Variants in FAM227B observed in about 807,000 individuals in gnomAD.
FAM227B encodes protein FAM227B.
In FAM227B, 88 loss-of-function variants were observed where a neutral mutation model predicts 73.8. The observed-to-expected ratio is 1.19, with a 90% CI of 1.00 to 1.42. The LOEUF (loss-of-function observed/expected upper bound fraction) is 1.42. FAM227B is among the 40% of genes most tolerant of loss of function. The pLI is 0.00. For missense variants in FAM227B, 632 were observed against 590.9 expected, an observed-to-expected ratio of 1.07 and a Z score of -0.72; for synonymous variants, 210 against 190.5, an observed-to-expected ratio of 1.10 and a Z score of -0.84.
chr15:49,344,129 T>A (rs910046593), intron 13 of FAM227B: 9 of 152,208 alleles, frequency 5.9e-5, no homozygotes, highest in African/African-American at 2.2e-4. Context: ...AAATCTCATA[T>A]TGATGAATGT....
At chr15:49,492,027 C>T (rs531811633) in intron 11 of FAM227B, among the ~76,000 whole-genome samples, 2 of 151,794 alleles carry the variant, frequency 1.3e-5, no homozygotes, top group African/African-American at 4.8e-5. Context: ...CCAGTCTTGT[C>T]ATCATGCCTA....
At chr15:49,521,033 C>T (rs1198120241) in intron 10 of FAM227B, among the ~76,000 whole-genome samples, 1 of 152,186 alleles carries the variant, frequency 6.6e-6, no homozygotes, top group Admixed American at 6.5e-5. Flanking sequence ...GATATGGGAA[C>T]TTCCTGGGGG....
intron 11 of FAM227B, among the ~76,000 whole-genome samples, chr15:49,469,887 T>C (rs906872552): frequency 2.0e-5 from 3 of 152,006 alleles, no homozygotes; most frequent in Non-Finnish European, 4.4e-5. Flanking sequence ...AAATGAGAAA[T>C]GGTGATAAAG....
At chr15:49,489,476 G>T in intron 11 of FAM227B, 1 of 490,084 alleles carries the variant, frequency 2.0e-6, no homozygotes, top group Non-Finnish European at 2.6e-6. Context: ...TCCCAATGTA[G>T]CTGCAAAACT....
At chr15:49,610,432 A>AC (rs1181707516) in intron 3 of FAM227B, among the ~76,000 whole-genome samples, 10 of 151,458 alleles carry the variant, frequency 6.6e-5, no homozygotes, top group Admixed American at 4.6e-4. Context: ...AAAAAAAAAA[A>AC]AAAAAAAAAC....
intron 5 of FAM227B, among the ~76,000 whole-genome samples, chr15:49,580,150 A>C (rs7161744): frequency 0.37 from 56,787 of 152,112 alleles, 12,323 homozygotes; most frequent in East Asian, 0.54. Flanking sequence ...CAAAAAGAAT[A>C]ACTATTAAAA....
intron 11 of FAM227B, among the ~76,000 whole-genome samples, chr15:49,462,607 T>C (rs2053905469): frequency 6.6e-6 from 1 of 152,160 alleles, no homozygotes; most frequent in Non-Finnish European, 1.5e-5. Flanking sequence ...AGTAGGGAGG[T>C]AAGGGTAGGC....
intron 13 of FAM227B, among the ~76,000 whole-genome samples, chr15:49,355,295 C>CTACG (rs1567136616): frequency 1.3e-5 from 2 of 152,088 alleles, no homozygotes; most frequent in African/African-American, 4.8e-5. Context: ...TTACTCTGAG[C>CTACG]TACGGGAGGA....
intron 13 of FAM227B, among the ~76,000 whole-genome samples, chr15:49,360,388 A>T (rs1216681758): frequency 1.3e-5 from 2 of 152,230 alleles, no homozygotes; most frequent in Admixed American, 1.3e-4. Flanking sequence ...AGCAATACAG[A>T]TATGGCTTAT....
chr15:49,405,288 A>G (rs1035272296), intron 11 of FAM227B, among the ~76,000 whole-genome samples: 2 of 152,094 alleles, frequency 1.3e-5, no homozygotes, highest in Non-Finnish European at 2.9e-5. Flanking sequence ...CCAAATTTGA[A>G]TGTTGACCTC....
intron 11 of FAM227B, among the ~76,000 whole-genome samples, chr15:49,402,059 C>T (rs1467535521): frequency 3.3e-5 from 5 of 152,190 alleles, no homozygotes; most frequent in East Asian, 1.9e-4. Context: ...TCTAGCTCAA[C>T]CACTGATTAA....
At chr15:49,335,525 T>G (rs1221186167) in intron 13 of FAM227B, 29 bp from the exon 14 acceptor site, 1 of 1,549,174 alleles carries the variant, frequency 6.5e-7, no homozygotes, top group African/African-American at 1.4e-5. Context: ...AGGAATGATT[T>G]TCAATTAGGA....
rs1056236765 is a variant in FAM227B at position 49,508,239 on chromosome 15, A to G, written c.984T>C (p.Ile328=). 4 of 1,610,636 alleles carry G rather than the reference A, an allele frequency of 2.5e-6. No homozygotes were observed. The highest frequency in any genetic ancestry group is 2.7e-5 in the African/African-American group (2 of 74,670). The change falls in exon 11 of 16, where the codon ATT becomes ATC. Residue 328 remains isoleucine, a synonymous_variant. Coordinates refer to ENST00000299338, the MANE Select transcript of FAM227B (RefSeq NM_152647.3). The part of the protein sequence containing the change: ...KAPAKSVKER[I]ADSQEHISTS... The stretch of plus-strand genomic sequence containing the variant: ...TTGATATATGTTCTTGACTGTCTGC[A>G]ATTCTTTCCTTTACTGATTTTGCAG...
intron 9 of FAM227B, among the ~76,000 whole-genome samples, chr15:49,566,452 C>A (rs1023907651): frequency 6.6e-6 from 1 of 152,088 alleles, no homozygotes; most frequent in African/African-American, 2.4e-5. Flanking sequence ...GAGAGAATAT[C>A]ATTGTGTGAT....
intron 13 of FAM227B, among the ~76,000 whole-genome samples, chr15:49,354,292 C>T (rs1366019769): frequency 3.9e-5 from 6 of 152,168 alleles, no homozygotes; most frequent in Admixed American, 6.5e-5. Context: ...CCAGCGTGAG[C>T]GACGCAGAAG....
intron 5 of FAM227B, among the ~76,000 whole-genome samples, chr15:49,583,289 A>T (rs1198917086): frequency 6.6e-6 from 1 of 152,094 alleles, no homozygotes; most frequent in Non-Finnish European, 1.5e-5. Flanking sequence ...ATCAGAAATG[A>T]TAAGGGAATA....
At chr15:49,353,754 A>T (rs1374335038) in intron 13 of FAM227B, 1 of 151,712 alleles carries the variant, frequency 6.6e-6, no homozygotes, top group Non-Finnish European at 1.5e-5. Context: ...TTGGAAAAAT[A>T]ACTAGATGGG....
chr15:49,327,065 T>C lies in FAM227B; in HGVS notation c.*1503A>G, dbSNP rs959363381. 4 of 152,198 alleles carry C rather than the reference T, an allele frequency of 2.6e-5. No individual in the cohort carries two copies. The highest frequency in any genetic ancestry group is 9.6e-5 in the African/African-American group (4 of 41,460). The allele number at this position is 152,198 out of a possible 1,614,324, so 9.4% of individuals were successfully genotyped here. A position where few individuals can be genotyped will look rare whatever the true frequency, so the allele number is the denominator to read the frequency against. On this transcript the variant is annotated 3_prime_UTR_variant, in exon 16 of 16. Coordinates refer to ENST00000299338, the MANE Select transcript of FAM227B (RefSeq NM_152647.3). ...ATGTTAACTTTCGTGTCAGGATAAA[T>C]TGCATCTTTTAAAGCTAAGTGATCT...
At chr15:49,569,377 A>G (rs1361180688) in intron 8 of FAM227B, among the ~76,000 whole-genome samples, 1 of 151,392 alleles carries the variant, frequency 6.6e-6, no homozygotes, top group Non-Finnish European at 1.5e-5. Flanking sequence ...CTCTGCTGCA[A>G]TATGTATTAT....
Sources: allele counts gnomAD v4.1 joint callset (sites outside exome capture counted in the v4.1 genomes callset), GRCh38; gene constraint gnomAD v4.1.1; transcripts MANE v1.5; gene names NCBI Gene and HGNC (gene_info 2026-07-23, HGNC 2026-07-21).